Variants in EPHA3 observed in about 807,000 individuals in gnomAD.
EPHA3 encodes ephrin type-A receptor 3.
A neutral mutation model predicts 107.1 loss-of-function variants in EPHA3; 42 were observed. The observed-to-expected ratio is 0.39, with a 90% confidence interval of 0.31 to 0.51. The LOEUF is 0.51. Ranked by LOEUF, EPHA3 falls within the 20% of genes least tolerant of loss-of-function variation. The pLI, the probability that EPHA3 is intolerant of heterozygous loss-of-function variation, is 0.78. For missense variants in EPHA3, 1,183 were observed against 1,211.2 expected (o/e 0.98, Z 0.35); for synonymous variants, 461 against 424.8 (o/e 1.09, Z -1.05).
chr3:89,247,282 C>T (rs1433290085), intron 3 of EPHA3, among the ~76,000 whole-genome samples: 2 of 152,022 alleles, frequency 1.3e-5, no homozygotes, highest in Admixed American at 6.6e-5. Context: ...TTCTAAAAAG[C>T]AGATAAACTT....
intron 2 of EPHA3, among the ~76,000 whole-genome samples, chr3:89,127,534 G>T (rs1243257925): frequency 9.2e-5 from 14 of 151,930 alleles, no homozygotes; most frequent in Admixed American, 4.6e-4. Context: ...TTGGCATCAT[G>T]TCAATGATCT....
In EPHA3 at chr3:89,256,572, GAAATAAATAAAT is replaced by G. The variant is rs370171364; in HGVS notation, c.814+46084_814+46095del. ...AGTGAGATTCTGTCTCAAAAATAAG[GAAATAAATAAAT>G]AAATAAATAAATAAATAAATAAATA... On this transcript the variant is annotated intron_variant, in intron 3 of 16. Transcript: ENST00000336596. 3.0e-3 allele frequency among the ~76,000 whole-genome samples: 439 copies of G among 148,664 alleles called. 3 individuals carry two copies. Among genetic ancestry groups the G allele is most frequent in the East Asian group, 5.0e-3 (25 of 5,030 alleles).
chr3:89,345,023 A>G (rs1288077896), intron 5 of EPHA3, among the ~76,000 whole-genome samples: 2 of 151,294 alleles, frequency 1.3e-5, no homozygotes, highest in Non-Finnish European at 3.0e-5. Flanking sequence ...TAACGACATA[A>G]ATTGCTGCTT....
At chr3:89,380,932 C>T (rs1708490828) in intron 5 of EPHA3, among the ~76,000 whole-genome samples, 1 of 152,014 alleles carries the variant, frequency 6.6e-6, no homozygotes, top group Non-Finnish European at 1.5e-5. Context: ...CCACTCCCGG[C>T]TAATAGTAGT....
chr3:89,334,694 G>A (rs1182410224), intron 3 of EPHA3, among the ~76,000 whole-genome samples: 1 of 152,158 alleles, frequency 6.6e-6, no homozygotes, highest in Non-Finnish European at 1.5e-5. Flanking sequence ...TCTCTGTATG[G>A]CTCAGGCTCT....
intron 13 of EPHA3, among the ~76,000 whole-genome samples, chr3:89,436,060 G>T (rs1359804697): frequency 1.3e-5 from 2 of 151,862 alleles, no homozygotes; most frequent in Admixed American, 1.3e-4. Flanking sequence ...AAGATCACTT[G>T]AGTCCAGGAG....
chr3:89,313,375 T>C (rs1304964672), intron 3 of EPHA3, among the ~76,000 whole-genome samples: 2 of 152,004 alleles, frequency 1.3e-5, no homozygotes, highest in African/African-American at 4.8e-5. Flanking sequence ...CCATTTGCTA[T>C]TTGTTTTCTG....
At chr3:89,169,296 A>T (rs1373533257) in intron 2 of EPHA3, among the ~76,000 whole-genome samples, 1 of 152,022 alleles carries the variant, frequency 6.6e-6, no homozygotes, top group East Asian at 1.9e-4. Context: ...TTGCAGTAAA[A>T]TTTTTTTATA....
intron 13 of EPHA3, among the ~76,000 whole-genome samples, chr3:89,439,504 T>C (rs1373361634): frequency 6.6e-6 from 1 of 152,136 alleles, no homozygotes; most frequent in African/African-American, 2.4e-5. Context: ...ATCATTTCAA[T>C]TGCAAATTGT....
chr3:89,317,587 A>G (rs1006993892), intron 3 of EPHA3, among the ~76,000 whole-genome samples: 2 of 151,852 alleles, frequency 1.3e-5, no homozygotes, highest in Admixed American at 1.3e-4. Flanking sequence ...AGTTAGACCT[A>G]TGATATATTG....
intron 3 of EPHA3, among the ~76,000 whole-genome samples, chr3:89,270,037 G>A (rs2107296121): frequency 6.6e-6 from 1 of 151,764 alleles, no homozygotes; most frequent in East Asian, 2.0e-4. Flanking sequence ...CTCTTCGATG[G>A]GGCTGCCAAA....
chr3:89,338,636 C>T (rs897513290), intron 3 of EPHA3, among the ~76,000 whole-genome samples: 3 of 152,230 alleles, frequency 2.0e-5, no homozygotes, highest in African/African-American at 7.2e-5. Context: ...GCAAGCTCCG[C>T]CTCCCTGGTT....
chr3:89,236,347 A>C (rs925061191), intron 3 of EPHA3, among the ~76,000 whole-genome samples: 4 of 151,632 alleles, frequency 2.6e-5, no homozygotes, highest in African/African-American at 9.7e-5. Flanking sequence ...TAAATGAATA[A>C]AAGGTGGTAT....
At chr3:89,235,060 T>C (rs1704725807) in intron 3 of EPHA3, among the ~76,000 whole-genome samples, 1 of 142,708 alleles carries the variant, frequency 7.0e-6, no homozygotes, top group East Asian at 2.4e-4. Flanking sequence ...CCTCTTTCTT[T>C]CTTTCTTTAT....
intron 3 of EPHA3, among the ~76,000 whole-genome samples, chr3:89,339,956 C>T (rs1559653111): frequency 6.6e-6 from 1 of 152,154 alleles, no homozygotes; most frequent in African/African-American, 2.4e-5. Flanking sequence ...AAATGAATTA[C>T]TAGAGACTTC....
At chr3:89,241,493 A>G (rs545901306) in intron 3 of EPHA3, among the ~76,000 whole-genome samples, 47 of 152,272 alleles carry the variant, frequency 3.1e-4, no homozygotes, top group African/African-American at 1.1e-3. Flanking sequence ...CATTTCTACT[A>G]TTGTGTATAT....
At chr3:89,272,045 GTTTAC>G (rs1002913487) in intron 3 of EPHA3, among the ~76,000 whole-genome samples, 1 of 151,710 alleles carries the variant, frequency 6.6e-6, no homozygotes, top group African/African-American at 2.4e-5. Context: ...CTTTTCTCTA[GTTTAC>G]TTTATTGTAA....
chr3:89,392,303 G>A (rs1427010352), intron 5 of EPHA3, among the ~76,000 whole-genome samples: 2 of 152,052 alleles, frequency 1.3e-5, no homozygotes, highest in Non-Finnish European at 2.9e-5. Context: ...GCTGGGTGTG[G>A]TGGCACGCAT....
At chr3:89,365,856 C>A (rs1214282831) in intron 5 of EPHA3, among the ~76,000 whole-genome samples, 1 of 150,674 alleles carries the variant, frequency 6.6e-6, no homozygotes, top group Admixed American at 6.7e-5. Context: ...TTCACCTGGG[C>A]AGAAATGCAT....
Sources: gnomAD v4.1 joint callset for allele counts (sites outside exome capture counted in the v4.1 genomes callset) on GRCh38, gnomAD v4.1.1 for gene constraint, MANE v1.5 for transcripts, NCBI Gene and HGNC (gene_info 2026-07-23, HGNC 2026-07-21) for gene names.